Variants in RBMS3 observed in about 807,000 individuals in gnomAD.
RBMS3 encodes RNA binding motif single stranded interacting protein 3.
RBMS3 carries 27 observed loss-of-function variants against 66.8 expected under a neutral mutation model. The ratio of observed to expected loss-of-function variants is 0.40; its 90% confidence interval spans 0.30 to 0.56. RBMS3 has a LOEUF of 0.56. Ranked by LOEUF, RBMS3 falls within the 20% of genes least tolerant of loss-of-function variation. The probability of loss-of-function intolerance (pLI) is 0.40; values close to 1 mark genes in which losing one functional copy is unlikely to be tolerated. For synonymous variants in RBMS3, 188 were observed against 183.0 expected (o/e 1.03, Z -0.22); for missense variants, 513 against 549.5 (o/e 0.93, Z 0.66).
chr3:29,592,601 G>A (rs1175411364), intron 4 of RBMS3, among the ~76,000 whole-genome samples: 1 of 152,136 alleles, frequency 6.6e-6, no homozygotes, highest in African/African-American at 2.4e-5. Flanking sequence ...ACAGTGTGGT[G>A]ATTCCTCAAG....
intron 4 of RBMS3, among the ~76,000 whole-genome samples, chr3:29,716,369 A>G (rs1329043475): frequency 2.6e-5 from 4 of 152,176 alleles, no homozygotes; most frequent in Non-Finnish European, 5.9e-5. Context: ...AACAAGTAGA[A>G]TAAGCTCTGA....
Position 29,629,242 on chromosome 3 carries a change from G to T in RBMS3, c.399+42037G>T, listed in dbSNP as rs141735700. 3.1e-3 allele frequency among the ~76,000 whole-genome samples: 478 copies of T among 152,202 alleles called. 2 individuals are homozygous for T. Among genetic ancestry groups the T allele is most frequent in the African/African-American group, 0.011 (445 of 41,560 alleles). ...AAGGATTCAAAGTGAAAAGTGCTGA[G>T]AATCCAGAGCCAGATGGAGCTAAAA... On this transcript the variant is annotated intron_variant, in intron 4 of 14. Transcript: ENST00000383767.
intron 6 of RBMS3, among the ~76,000 whole-genome samples, chr3:29,830,382 G>C (rs371543249): frequency 6.6e-6 from 1 of 152,086 alleles, no homozygotes; most frequent in Non-Finnish European, 1.5e-5. Flanking sequence ...ACAGAATACC[G>C]TCTTCAACTC....
chr3:29,692,505 C>A (rs1402301070), intron 4 of RBMS3, among the ~76,000 whole-genome samples: 1 of 152,000 alleles, frequency 6.6e-6, no homozygotes, highest in Non-Finnish European at 1.5e-5. Context: ...AAAAACGGAA[C>A]AACAGAACCG....
In RBMS3 at chr3:29,898,736, CGTGTGTGTGTGTGTGT is replaced by C. The variant is rs3072651; in HGVS notation, c.889-952_889-937del. On this transcript the variant is annotated intron_variant, in intron 9 of 14. Coordinates refer to ENST00000383767, the MANE Select transcript of RBMS3 (RefSeq NM_001003793.3). ...TGCAGGCCTGCCTGGTTGTAATGTG[CGTGTGTGTGTGTGTGT>C]GTGTGTGTGTGTGTGTTTCCTTTTT... Among the ~76,000 whole-genome samples, 3 of 142,532 alleles carry C rather than the reference CGTGTGTGTGTGTGTGT, an allele frequency of 2.1e-5. No homozygotes were observed. The South Asian group carries it at 6.8e-4, about 32-fold the overall frequency. 93.5% of individuals were successfully genotyped at this position (142,532 alleles called of 152,430 possible). A position where few individuals can be genotyped will look rare whatever the true frequency, so the allele number is the denominator to read the frequency against.
chr3:29,297,702 T>C (rs2033374481), intron 1 of RBMS3, among the ~76,000 whole-genome samples: 1 of 151,884 alleles, frequency 6.6e-6, no homozygotes, highest in Non-Finnish European at 1.5e-5. Flanking sequence ...ATTGCTATAT[T>C]TCACAATACT....
intron 10 of RBMS3, among the ~76,000 whole-genome samples, chr3:29,905,057 G>T (rs1334257693): frequency 2.6e-5 from 4 of 151,868 alleles, no homozygotes; most frequent in Non-Finnish European, 5.9e-5. Flanking sequence ...TAGAACAAGG[G>T]TCAGCAAACT....
intron 4 of RBMS3, among the ~76,000 whole-genome samples, chr3:29,598,130 A>G (rs1181622210): frequency 1.3e-5 from 2 of 152,154 alleles, no homozygotes; most frequent in Non-Finnish European, 2.9e-5. Context: ...CTGGTTTCGG[A>G]AATATCCATA....
At chr3:29,431,614 A>G (rs1042344197) in intron 1 of RBMS3, among the ~76,000 whole-genome samples, 1 of 152,088 alleles carries the variant, frequency 6.6e-6, no homozygotes, top group Admixed American at 6.6e-5. Context: ...TTCAAAGAAG[A>G]AATCTGGAGG....
chr3:29,979,959 G>T (rs1697869179), intron 12 of RBMS3, among the ~76,000 whole-genome samples: 1 of 152,192 alleles, frequency 6.6e-6, no homozygotes, highest in Non-Finnish European at 1.5e-5. Flanking sequence ...CCAGTAATGG[G>T]ATTGCTGGGT....
intron 6 of RBMS3, among the ~76,000 whole-genome samples, chr3:29,823,384 A>G (rs1410907367): frequency 6.6e-6 from 1 of 152,232 alleles, no homozygotes; most frequent in African/African-American, 2.4e-5. Flanking sequence ...AGATTCACCC[A>G]TACTAATTCT....
At chr3:29,553,808 T>TAA (rs10634860) in intron 3 of RBMS3, among the ~76,000 whole-genome samples, 2,727 of 142,250 alleles carry the variant, frequency 0.019, 88 homozygotes, top group African/African-American at 0.065. Context: ...ACTGGCTAAT[T>TAA]AAAAAAAAAA....
chr3:29,698,806 A>AT (rs1225589356), intron 4 of RBMS3, among the ~76,000 whole-genome samples: 2 of 152,120 alleles, frequency 1.3e-5, no homozygotes, highest in African/African-American at 4.8e-5. Context: ...GTAATTACAC[A>AT]TTTTTTGTTG....
chr3:29,908,060 G>A lies in RBMS3; in HGVS notation c.939+8305G>A, dbSNP rs563653802. Among the ~76,000 whole-genome samples, 7 of 151,934 alleles carry A rather than the reference G, an allele frequency of 4.6e-5. No homozygotes were observed. The East Asian group carries it at 1.4e-3, about 29-fold the overall frequency. On this transcript the variant is annotated intron_variant, in intron 10 of 14. Coordinates refer to ENST00000383767, the MANE Select transcript of RBMS3 (RefSeq NM_001003793.3). ...CTCGGGAGTTTGAGACCAGCCTGGG[G>A]CAACATGGCAAAACCTTGTCCCTAC...
At chr3:29,686,155 G>A (rs1271308070) in intron 4 of RBMS3, among the ~76,000 whole-genome samples, 1 of 152,040 alleles carries the variant, frequency 6.6e-6, no homozygotes, top group African/African-American at 2.4e-5. Flanking sequence ...GGCCAACGTA[G>A]GCTAACAGTT....
At chr3:29,818,461 TGAGA>T (rs1265014888) in intron 6 of RBMS3, among the ~76,000 whole-genome samples, 6 of 152,202 alleles carry the variant, frequency 3.9e-5, no homozygotes, top group South Asian at 4.1e-4. Flanking sequence ...TTGACCCCAC[TGAGA>T]GAATTTCTCA....
chr3:29,395,044 G>A (rs948877276), intron 1 of RBMS3, among the ~76,000 whole-genome samples: 4 of 152,102 alleles, frequency 2.6e-5, no homozygotes, highest in African/African-American at 4.8e-5. Context: ...CAATCTCCCA[G>A]TATTACTCTG....
chr3:29,986,844 G>A (rs1172350123), intron 12 of RBMS3, among the ~76,000 whole-genome samples: 1 of 152,164 alleles, frequency 6.6e-6, no homozygotes, highest in Non-Finnish European at 1.5e-5. Context: ...TGGGGAAGCT[G>A]AGGCATGAGA....
rs539281276 is a variant in RBMS3, at chr3:29,945,536, C to A, written c.1098+1282C>A. The stretch of plus-strand genomic sequence containing the variant: ...CTGTCATATCTTAACATGCCAATTT[C>A]ATTTAGGATTTAGGGCCCCTGGGAA... On this transcript the variant is annotated intron_variant, in intron 12 of 14. Coordinates refer to ENST00000383767, the MANE Select transcript of RBMS3 (RefSeq NM_001003793.3). 2.6e-5 allele frequency among the ~76,000 whole-genome samples: 4 copies of A among 151,746 alleles called. No homozygotes were observed. The East Asian group carries it at 7.8e-4, about 30-fold the overall frequency.
Sources: allele counts gnomAD v4.1 joint callset (sites outside exome capture counted in the v4.1 genomes callset), GRCh38; gene constraint gnomAD v4.1.1; transcripts MANE v1.5; gene names NCBI Gene and HGNC (gene_info 2026-07-23, HGNC 2026-07-21).